EBNA1BP2: variants seen among roughly 807,000 people sequenced by gnomAD.
The protein encoded by EBNA1BP2 is EBNA1 binding protein 2, also known as probable rRNA-processing protein EBP2.
In EBNA1BP2, 36 loss-of-function variants were observed where a neutral mutation model predicts 43.5. The ratio of observed to expected loss-of-function variants is 0.83; its 90% CI spans 0.63 to 1.09. EBNA1BP2 has a LOEUF of 1.09. Ranked by LOEUF, EBNA1BP2 falls within the 50% of genes least tolerant of loss-of-function variation. EBNA1BP2 has a pLI of 0.00. For synonymous variants in EBNA1BP2, 127 were observed against 141.3 expected (o/e 0.90, Z 0.72); for missense variants, 332 against 379.1 (o/e 0.88, Z 1.03).
At chr1:43,170,080 T>G (rs116729736) in intron 4 of EBNA1BP2, among the ~76,000 whole-genome samples, 41 of 152,354 alleles carry the variant, frequency 2.7e-4, no homozygotes, top group Admixed American at 5.9e-4. Context: ...AGATTACTTA[T>G]AATACCGAAT....
intron 2 of EBNA1BP2, 90 bp from the exon 3 acceptor site, chr1:43,171,741 A>G (rs1486342450): frequency 6.4e-7 from 1 of 1,569,660 alleles, no homozygotes; most frequent in East Asian, 2.2e-5. Flanking sequence ...ACAAAGTGCT[A>G]ATCCCCAATA....
Position 43,164,777 on chromosome 1 carries a change from G to A in EBNA1BP2, c.736C>T (p.Gln246Ter). 3.7e-6 allele frequency: 6 copies of A among 1,614,174 alleles called. No homozygotes were observed. The highest frequency in any genetic ancestry group is 5.1e-6 in the Non-Finnish European group (6 of 1,180,036). The change falls in exon 8 of 9, where the codon CAG becomes TAG. Residue 246 changes from glutamine to a stop codon, truncating the protein, a stop_gained. Coordinates refer to ENST00000236051, the MANE Select transcript of EBNA1BP2 (RefSeq NM_006824.3). LOFTEE classifies it high-confidence loss of function. Reference protein sequence around the residue: ...GPSAKRRYKNQKFGFGGKKKG... With the variant: ...GPSAKRRYKN ...TTCTTTCCACCAAAACCAAACTTCT[G>A]GTTTTTATACCGTCGTTTAGCACTG...
At chr1:43,170,177 A>C (rs1644945905) in intron 4 of EBNA1BP2, among the ~76,000 whole-genome samples, 1 of 152,142 alleles carries the variant, frequency 6.6e-6, no homozygotes, top group Non-Finnish European at 1.5e-5. Flanking sequence ...AATATTTTCA[A>C]ATTTTTTTCC....
chr1:43,167,034 C>G, intron 6 of EBNA1BP2, 115 bp from the exon 7 acceptor site: 1 of 1,482,810 alleles, frequency 6.7e-7, no homozygotes, highest in Non-Finnish European at 9.4e-7. Flanking sequence ...ATCCTGCTCT[C>G]CAACACCATT....
chr1:43,167,262 C>T (rs368063517), intron 5 of EBNA1BP2, 27 bp from the exon 6 acceptor site: 148 of 1,604,130 alleles, frequency 9.2e-5, no homozygotes, highest in Admixed American at 3.5e-4. Context: ...AGGACCGTTA[C>T]AGCCATTCCA....
chr1:43,164,458 C>G lies in EBNA1BP2; in HGVS notation c.906G>C (p.Lys302Asn), dbSNP rs1644904619. 6.2e-7 allele frequency: 1 copy of G among 1,613,910 alleles called. No individual in the cohort carries two copies. The highest frequency in any genetic ancestry group is 1.7e-5 in the Admixed American group (1 of 59,986). The change falls in exon 9 of 9, where the codon AAG becomes AAC. Residue 302 changes from lysine (K) to asparagine (N), a missense_variant. By Grantham distance (94) the Lys-to-Asn change is moderately conservative. Around this residue, in one of 3 missense-constraint regions of EBNA1BP2, gnomAD observed 59 missense variants for 53.3 expected, o/e 1.11. Transcript: ENST00000236051. Reference sequence around the variant, plus strand: ...AAGATGCTATTTAGTGTGTTCTGTTCTTCATCTTCTCTCTTGTTCGTTTTC... The same window carrying G: ...AAGATGCTATTTAGTGTGTTCTGTTGTTCATCTTCTCTCTTGTTCGTTTTC... ...RPGKRTREKM[K>N]NRTH
upstream of EBNA1BP2, chr1:43,172,321 G>A (rs1175160739): frequency 3.9e-6 from 6 of 1,551,572 alleles, no homozygotes; most frequent in Admixed American, 1.2e-4. Context: ...GCTTCCGGCG[G>A]CAAACCATAC....
chr1:43,171,744 C>A, intron 2 of EBNA1BP2, 93 bp from the exon 3 acceptor site: 1 of 1,564,922 alleles, frequency 6.4e-7, no homozygotes, highest in South Asian at 1.2e-5. Flanking sequence ...AAGTGCTAAT[C>A]CCCAATACCC....
chr1:43,168,027 T>G (rs946591861), intron 5 of EBNA1BP2, among the ~76,000 whole-genome samples: 1 of 152,224 alleles, frequency 6.6e-6, no homozygotes, highest in African/African-American at 2.4e-5. Context: ...AGTGAACTAA[T>G]AGGCCCAAGT....
chr1:43,166,903 C>T lies in EBNA1BP2; in HGVS notation c.630G>A (p.Leu210=), dbSNP rs1213724096. 6.2e-7 allele frequency: 1 copy of T among 1,612,396 alleles called. No individual in the cohort carries two copies. The highest frequency in any genetic ancestry group is 1.3e-5 in the African/African-American group (1 of 74,762). Residue 210 remains leucine, a synonymous_variant, in exon 7 of 9, where the codon CTG becomes CTA. Transcript: ENST00000236051. ...KKYQKGFSDK[L]DFLEGDQKPL... is the part of the protein sequence containing the mutation. ...GTTTCTGATCTCCCTCAAGGAAATC[C>T]AGTTTATCAGAGAAGCCTGTAAGTG...
At chr1:43,172,467 C>A (rs991493031), upstream of EBNA1BP2, 5 of 1,542,454 alleles carry the variant, frequency 3.2e-6, no homozygotes, top group Non-Finnish European at 3.5e-6. Context: ...GGAGGGGGTA[C>A]CTGGGGGTCG....
intron 7 of EBNA1BP2, among the ~76,000 whole-genome samples, chr1:43,165,302 T>C (rs1263299722): frequency 6.6e-6 from 1 of 152,220 alleles, no homozygotes; most frequent in African/African-American, 2.4e-5. Flanking sequence ...GGTCATCCAA[T>C]AGGAATCTTG....
intron 6 of EBNA1BP2, 21 bp downstream of exon 6, chr1:43,167,139 C>G (rs374777814): frequency 3.7e-5 from 59 of 1,609,068 alleles, no homozygotes; most frequent in Non-Finnish European, 5.0e-5. Context: ...ACCCTCGTTC[C>G]CCTATTAGAG....
intron 4 of EBNA1BP2, 57 bp downstream of exon 4, chr1:43,170,699 C>T: frequency 6.4e-7 from 1 of 1,568,160 alleles, no homozygotes; most frequent in Non-Finnish European, 8.6e-7. Context: ...TCTAAGCCAG[C>T]TGAATATGCT....
In EBNA1BP2 at chr1:43,166,823, C is replaced by G; in HGVS notation, c.707+3G>C. On this transcript the variant is annotated splice_donor_region_variant and intron_variant, in intron 7 of 8. Transcript: ENST00000236051. ...AAAGAAACCATGCCAAAACCCTTCT[C>G]ACCCCTTCCTCATCTGCTGGCCTTT... 6.2e-7 allele frequency: 1 copy of G among 1,609,152 alleles called. No individual in the cohort carries two copies. The highest frequency in any genetic ancestry group is 8.5e-7 in the Non-Finnish European group (1 of 1,178,800).
At chr1:43,168,259 T>A (rs912193700) in intron 5 of EBNA1BP2, among the ~76,000 whole-genome samples, 6 of 152,216 alleles carry the variant, frequency 3.9e-5, no homozygotes, top group Non-Finnish European at 5.9e-5. Context: ...CAAGTGCTTA[T>A]GTCCAAATGT....
intron 4 of EBNA1BP2, 54 bp downstream of exon 4, chr1:43,170,702 A>G (rs1644953919): frequency 6.3e-7 from 1 of 1,574,814 alleles, no homozygotes; most frequent in Non-Finnish European, 8.6e-7. Context: ...AAGCCAGCTG[A>G]ATATGCTTAA....
At chr1:43,170,921 A>C in intron 3 of EBNA1BP2, 42 bp from the exon 4 acceptor site, 2 of 1,506,930 alleles carry the variant, frequency 1.3e-6, no homozygotes, top group Non-Finnish European at 1.8e-6. Context: ...GTGAAGGAGG[A>C]GGCCTTACGT....
chr1:43,171,683 G>A (rs1403722525), intron 2 of EBNA1BP2, 32 bp from the exon 3 acceptor site: 2 of 1,606,374 alleles, frequency 1.2e-6, no homozygotes, highest in Non-Finnish European at 1.7e-6. Context: ...CTCACAAGAA[G>A]GGAACTCTGA....
Sources: allele counts gnomAD v4.1 joint callset (sites outside exome capture counted in the v4.1 genomes callset), GRCh38; gene constraint gnomAD v4.1.1; regional missense constraint gnomAD v4.1.1; transcripts MANE v1.5; gene names NCBI Gene and HGNC (gene_info 2026-07-23, HGNC 2026-07-21).